Variants in TDRD12 observed in about 807,000 individuals in gnomAD.
The protein encoded by TDRD12 is tudor domain containing 12.
In TDRD12, 158 loss-of-function variants were observed where a neutral mutation model predicts 133.5. The observed-to-expected ratio is 1.18, with a 90% confidence interval of 1.04 to 1.35. TDRD12 has a LOEUF of 1.35. Ranked by LOEUF, TDRD12 falls within the 40% of genes most tolerant of loss-of-function variation. The pLI is 0.00. For synonymous variants in TDRD12, 460 were observed against 477.9 expected, an observed-to-expected ratio of 0.96 and a Z score of 0.49; for missense variants, 1,443 against 1,321.3, an observed-to-expected ratio of 1.09 and a Z score of -1.43.
At chr19:32,811,081 A>T in intron 23 of TDRD12, 129 bp from the exon 24 acceptor site, 1 of 694,474 alleles carries the variant, frequency 1.4e-6, no homozygotes. Flanking sequence ...TTAGTTTTTT[A>T]TTTCTAGTAT....
chr19:32,777,496 C>T (rs1970616159), intron 11 of TDRD12, among the ~76,000 whole-genome samples: 1 of 152,146 alleles, frequency 6.6e-6, no homozygotes, highest in East Asian at 1.9e-4. Flanking sequence ...AACAGTGTCA[C>T]AAATCAAATT....
Position 32,762,327 on chromosome 19 carries a change from A to G in TDRD12, c.865+5197A>G, listed in dbSNP as rs538566240. Among the ~76,000 whole-genome samples the G allele has an allele frequency of 2.0e-5, 3 of 152,134 alleles. No individual in the cohort carries two copies. In the East Asian group the frequency reaches 5.8e-4, roughly 29 times the overall value. On this transcript the variant is annotated intron_variant, in intron 8 of 27. Coordinates refer to ENST00000444215, the Ensembl canonical transcript of TDRD12. Reference sequence around the variant, plus strand: ...AGGAGTTTTGTATTTTGCATTTTTCATTTAGATCCATTTGAGTTGATTTTT... The same window carrying G: ...AGGAGTTTTGTATTTTGCATTTTTCGTTTAGATCCATTTGAGTTGATTTTT...
intron 4 of TDRD12, among the ~76,000 whole-genome samples, chr19:32,744,700 G>C (rs1246048006): frequency 6.6e-6 from 1 of 152,014 alleles, no homozygotes; most frequent in Non-Finnish European, 1.5e-5. Flanking sequence ...CGCCATGTCT[G>C]CTGTCTTGAA....
chr19:32,749,653 T>A (rs11670405), intron 5 of TDRD12, 131 bp from the exon 6 acceptor site: 53 of 641,624 alleles, frequency 8.3e-5, no homozygotes, highest in Non-Finnish European at 1.3e-4. Context: ...ATGCTCCCCC[T>A]GGTCCTGCCC....
downstream of TDRD12, chr19:32,826,181 A>G: frequency 6.5e-7 from 1 of 1,534,080 alleles, no homozygotes; most frequent in Non-Finnish European, 8.7e-7. Flanking sequence ...CTCGGCATGG[A>G]GGAGTCGGCG....
chr19:32,750,420 T>C (rs1969789210), intron 6 of TDRD12, among the ~76,000 whole-genome samples: 1 of 152,154 alleles, frequency 6.6e-6, no homozygotes, highest in Admixed American at 6.5e-5. Context: ...GAGGGTACCT[T>C]AACCATGGAT....
chr19:32,727,136 T>A (rs1340711389), intron 1 of TDRD12, among the ~76,000 whole-genome samples: 2 of 152,190 alleles, frequency 1.3e-5, no homozygotes, highest in Non-Finnish European at 2.9e-5. Context: ...ACACTGAATT[T>A]TCAGGTTTTT....
intron 18 of TDRD12, 123 bp from the exon 19 acceptor site, chr19:32,801,633 G>A (rs922753767): frequency 2.6e-6 from 1 of 390,408 alleles, no homozygotes; most frequent in African/African-American, 2.1e-5. Flanking sequence ...AGAATTATGG[G>A]ATCAGTGAGG....
intron 1 of TDRD12, among the ~76,000 whole-genome samples, chr19:32,720,912 C>T (rs957540752): frequency 2.0e-5 from 3 of 149,826 alleles, no homozygotes; most frequent in African/African-American, 7.4e-5. Flanking sequence ...TGGCGTGCTC[C>T]GGGATGCACC....
At chr19:32,790,791 A>G (rs1971047196) in intron 12 of TDRD12, 173 bp from the exon 13 acceptor site, 1 of 1,486,342 alleles carries the variant, frequency 6.7e-7, no homozygotes, top group Non-Finnish European at 8.9e-7. Flanking sequence ...TGGATAATAA[A>G]CGATCTTCCT....
chr19:32,784,167 G>A (rs765255253), intron 11 of TDRD12, among the ~76,000 whole-genome samples: 14 of 152,104 alleles, frequency 9.2e-5, no homozygotes, highest in African/African-American at 1.9e-4. Flanking sequence ...ACATTCCATC[G>A]ATACCTAGTT....
At position 32,719,917 on chromosome 19, in the gene TDRD12, G is replaced by A; in HGVS notation, c.-156G>A. On this transcript the variant is annotated 5_prime_UTR_variant, in exon 1 of 28. The change creates a new upstream start codon in the 5' untranslated region. Transcript: ENST00000444215. ...GCGAGGGCTCCTGGGGACGAGGAGT[G>A]TGGGGCACCTGCCGCGGGGGGCCCA... 1 of 886,324 alleles carries A rather than the reference G, an allele frequency of 1.1e-6. No individual in the cohort carries two copies. Among genetic ancestry groups the A allele is most frequent in the Non-Finnish European group, 1.7e-6 (1 of 573,812 alleles). The allele number at this position is 886,324 out of a possible 1,614,324, so 54.9% of individuals were successfully genotyped here. A position where few individuals can be genotyped will look rare whatever the true frequency, so the allele number is the denominator to read the frequency against.
At chr19:32,796,091 A>G in intron 14 of TDRD12, 1 of 925,360 alleles carries the variant, frequency 1.1e-6, no homozygotes, top group Non-Finnish European at 1.3e-6. Context: ...TAAATGATGC[A>G]GGGCATGGCC....
intron 8 of TDRD12, among the ~76,000 whole-genome samples, chr19:32,759,581 T>C (rs1785803298): frequency 6.6e-6 from 1 of 152,018 alleles, no homozygotes; most frequent in South Asian, 2.1e-4. Flanking sequence ...ATTGTGCCAC[T>C]GCACTCCAGC....
intron 4 of TDRD12, among the ~76,000 whole-genome samples, chr19:32,746,680 G>T (rs941972056): frequency 6.7e-6 from 1 of 148,216 alleles, no homozygotes; most frequent in Non-Finnish European, 1.5e-5. Flanking sequence ...GAGACTGGCT[G>T]ATGTGGTTAT....
At chr19:32,772,032 C>A (rs747171075) in intron 8 of TDRD12, among the ~76,000 whole-genome samples, 9 of 152,092 alleles carry the variant, frequency 5.9e-5, no homozygotes, top group Non-Finnish European at 1.0e-4. Flanking sequence ...GTTCTGTGGT[C>A]AGGAATTCGG....
Position 32,801,669 on chromosome 19 carries a change from T to C in TDRD12, c.2080-87T>C, listed in dbSNP as rs925690184. On this transcript the variant is annotated intron_variant, in intron 18 of 27. Coordinates refer to ENST00000444215, the Ensembl canonical transcript of TDRD12. Reference sequence around the variant, plus strand: ...TAGTGCCCTCACAGATAAATTAAAGTGCTTTACATTGACAATTATTGATGG... The same window carrying C: ...TAGTGCCCTCACAGATAAATTAAAGCGCTTTACATTGACAATTATTGATGG... 9.4e-6 allele frequency: 4 copies of C among 426,568 alleles called. No homozygotes were observed. In the South Asian group the frequency reaches 3.1e-4, roughly 33 times the overall value. 26.4% of individuals were successfully genotyped at this position (426,568 alleles called of 1,614,324 possible).
chr19:32,792,667 C>T (rs1971106301), intron 13 of TDRD12, among the ~76,000 whole-genome samples: 1 of 152,150 alleles, frequency 6.6e-6, no homozygotes, highest in Admixed American at 6.5e-5. Context: ...TGAAGATTAA[C>T]ATAGGAACAT....
At chr19:32,798,328 C>T in exon 16 of TDRD12, 3 of 1,535,312 alleles carry the variant, frequency 2.0e-6, no homozygotes, top group South Asian at 1.2e-5. Flanking sequence ...TGTTACGACC[C>T]CATACAGCCT....
Sources: allele counts gnomAD v4.1 joint callset (sites outside exome capture counted in the v4.1 genomes callset), GRCh38; gene constraint gnomAD v4.1.1; transcripts MANE v1.5; gene names NCBI Gene and HGNC (gene_info 2026-07-23, HGNC 2026-07-21).